ACAP2: variants seen among roughly 807,000 people sequenced by gnomAD.
The protein encoded by ACAP2 is ArfGAP with coiled-coil, ankyrin repeat and PH domains 2.
In ACAP2, 39 loss-of-function variants were observed where a neutral mutation model predicts 115.8. The observed-to-expected ratio is 0.34, with a 90% confidence interval of 0.26 to 0.44. The LOEUF is 0.44. ACAP2 is among the 20% of genes least tolerant of loss of function. The probability of loss-of-function intolerance (pLI) is 1.00; values close to 1 mark genes in which losing one functional copy is unlikely to be tolerated. For missense variants in ACAP2, 662 were observed against 927.6 expected (o/e 0.71, Z 3.72); for synonymous variants, 289 against 315.8 (o/e 0.92, Z 0.90).
intron 22 of ACAP2, among the ~76,000 whole-genome samples, chr3:195,280,109 G>A (rs920873519): frequency 4.1e-4 from 62 of 152,216 alleles, no homozygotes; most frequent in African/African-American, 1.5e-3. Flanking sequence ...GTTGAGGCCA[G>A]GAGTTCAAGA....
intron 1 of ACAP2, among the ~76,000 whole-genome samples, chr3:195,441,153 G>C (rs1715964652): frequency 6.6e-6 from 1 of 151,126 alleles, no homozygotes; most frequent in Admixed American, 6.6e-5. Context: ...AAATTAATGT[G>C]AAACAAAGGG....
At chr3:195,441,190 A>C (rs1253734999) in intron 1 of ACAP2, among the ~76,000 whole-genome samples, 1 of 152,214 alleles carries the variant, frequency 6.6e-6, no homozygotes, top group Non-Finnish European at 1.5e-5. Flanking sequence ...TTCTAAGGGA[A>C]AAATGCTGTG....
At chr3:195,345,369 T>G in intron 4 of ACAP2, 52 bp from the exon 5 acceptor site, 1 of 1,155,752 alleles carries the variant, frequency 8.7e-7, no homozygotes, top group Non-Finnish European at 1.3e-6. Context: ...CAAAATAATT[T>G]TCTTATCGTG....
intron 10 of ACAP2, among the ~76,000 whole-genome samples, chr3:195,309,990 A>G (rs2108995477): frequency 6.6e-6 from 1 of 152,364 alleles, no homozygotes; most frequent in Admixed American, 6.5e-5. Context: ...CATGAAAGGT[A>G]AAACAGTATT....
At chr3:195,367,281 T>C (rs1732793571) in intron 4 of ACAP2, among the ~76,000 whole-genome samples, 1 of 152,200 alleles carries the variant, frequency 6.6e-6, no homozygotes, top group Admixed American at 6.5e-5. Context: ...GTGCTGATGC[T>C]GCTGGTCCAG....
chr3:195,356,706 C>T (rs1351671315), intron 4 of ACAP2, among the ~76,000 whole-genome samples: 1 of 151,924 alleles, frequency 6.6e-6, no homozygotes, highest in Non-Finnish European at 1.5e-5. Flanking sequence ...CTCTAACTCC[C>T]GGGTGATATT....
chr3:195,333,278 T>G (rs896158985), intron 7 of ACAP2, among the ~76,000 whole-genome samples, 155 bp from the exon 8 acceptor site: 1 of 152,248 alleles, frequency 6.6e-6, no homozygotes, highest in Non-Finnish European at 1.5e-5. Flanking sequence ...CACAGTTCAC[T>G]GCAACCTGGA....
intron 14 of ACAP2, 77 bp from the exon 15 acceptor site, chr3:195,301,721 A>G (rs931248659): frequency 2.2e-6 from 3 of 1,381,762 alleles, no homozygotes; most frequent in African/African-American, 1.4e-5. Flanking sequence ...TTAACGTGAC[A>G]CAGGCTCTAA....
intron 4 of ACAP2, among the ~76,000 whole-genome samples, chr3:195,349,269 G>A (rs983199570): frequency 6.6e-6 from 1 of 152,004 alleles, no homozygotes; most frequent in South Asian, 2.1e-4. Flanking sequence ...ATCACCTGAG[G>A]TCGGGAGTTT....
chr3:195,335,237 C>T (rs950419784), intron 7 of ACAP2, among the ~76,000 whole-genome samples: 2 of 152,062 alleles, frequency 1.3e-5, no homozygotes, highest in African/African-American at 4.8e-5. Flanking sequence ...GACCATGAGG[C>T]CTGTAAAACC....
At chr3:195,442,686 T>A in intron 1 of ACAP2, 109 bp downstream of exon 1, 2 of 1,209,892 alleles carry the variant, frequency 1.7e-6, no homozygotes, top group Non-Finnish European at 2.3e-6. Flanking sequence ...GCTCGCCCCG[T>A]CGGAAGGAGC....
At chr3:195,423,617 C>T (rs1392347939) in intron 1 of ACAP2, among the ~76,000 whole-genome samples, 5 of 116,324 alleles carry the variant, frequency 4.3e-5, no homozygotes, top group East Asian at 3.4e-4. Context: ...AGTAAGACTC[C>T]GTCTCAAAAA....
rs879132555 is a variant in ACAP2, at chr3:195,291,742, C to T, written c.2027G>A (p.Gly676Glu). The T allele has an allele frequency of 6.2e-7, 1 of 1,613,924 alleles. No individual in the cohort carries two copies. Among genetic ancestry groups the T allele is most frequent in the Non-Finnish European group, 8.5e-7 (1 of 1,179,982 alleles). Residue 676 changes from glycine to glutamate, a missense_variant, in exon 20 of 23, where the codon GGA becomes GAA. Gly to Glu is a moderately conservative substitution (Grantham distance 98). This residue lies in a region of ACAP2 where 128 missense variants were observed against 200.2 expected (regional missense o/e 0.64). Coordinates refer to ENST00000326793, the MANE Select transcript of ACAP2 (RefSeq NM_012287.6). ...TAAGACGGTGGCATGGTGCAATGGT[C>T]CCCGCCCTTGGACATCTCTTTGGTT... ...NVNQRDVQGR[G>E]PLHHATVLGH... is the part of the protein sequence containing the mutation.
intron 8 of ACAP2, among the ~76,000 whole-genome samples, chr3:195,329,762 T>C (rs892952222): frequency 1.3e-5 from 2 of 152,184 alleles, no homozygotes; most frequent in Non-Finnish European, 2.9e-5. Flanking sequence ...TTTCTAATAA[T>C]GGAAGCTGAT....
chr3:195,386,593 G>A (rs1248134752), intron 2 of ACAP2, among the ~76,000 whole-genome samples: 2 of 152,120 alleles, frequency 1.3e-5, no homozygotes, highest in Non-Finnish European at 2.9e-5. Flanking sequence ...GTTGAACAAT[G>A]AGAAAACATG....
intron 4 of ACAP2, among the ~76,000 whole-genome samples, chr3:195,345,525 A>G (rs557739094): frequency 6.6e-6 from 1 of 152,350 alleles, no homozygotes; most frequent in East Asian, 1.9e-4. Context: ...AATTACTTCT[A>G]TTTACAGAAG....
At chr3:195,414,986 G>A (rs1250310044) in intron 1 of ACAP2, among the ~76,000 whole-genome samples, 2 of 152,148 alleles carry the variant, frequency 1.3e-5, no homozygotes, top group African/African-American at 2.4e-5. Flanking sequence ...TAAAGGGAGG[G>A]ATGAATCAGT....
intron 4 of ACAP2, among the ~76,000 whole-genome samples, chr3:195,365,919 G>A (rs932405617): frequency 2.0e-5 from 3 of 148,866 alleles, no homozygotes; most frequent in African/African-American, 5.0e-5. Context: ...TTAGCTCACC[G>A]CAACCTGCAC....
chr3:195,351,993 TG>T (rs975094891), intron 4 of ACAP2, among the ~76,000 whole-genome samples: 12 of 152,352 alleles, frequency 7.9e-5, no homozygotes, highest in African/African-American at 2.6e-4. Context: ...ACAACATTTG[TG>T]TAGGTTTTAA....
Sources: gnomAD v4.1 joint callset for allele counts (sites outside exome capture counted in the v4.1 genomes callset) on GRCh38, gnomAD v4.1.1 for gene constraint, gnomAD v4.1.1 regional missense constraint, MANE v1.5 for transcripts, NCBI Gene and HGNC (gene_info 2026-07-23, HGNC 2026-07-21) for gene names.